The following FAM186B variants were observed in gnomAD, a reference collection of about 807,000 sequenced individuals.
FAM186B encodes the protein protein FAM186B.
FAM186B carries 68 observed loss-of-function variants against 83.4 expected under a neutral mutation model. That is an observed-to-expected ratio of 0.81 (90% confidence interval 0.67 to 1.00). The LOEUF (loss-of-function observed/expected upper bound fraction) is 1.00, where lower values mean the gene tolerates loss of function less well. Ranked by LOEUF, FAM186B falls within the 50% of genes least tolerant of loss-of-function variation. The probability of loss-of-function intolerance (pLI) is 0.00; values close to 1 mark genes in which losing one functional copy is unlikely to be tolerated. For missense variants in FAM186B, 983 were observed against 1,099.2 expected, an observed-to-expected ratio of 0.89 and a Z score of 1.49; for synonymous variants, 389 against 422.0, an observed-to-expected ratio of 0.92 and a Z score of 0.96.
At chr12:49,606,452 G>A (rs555578080), upstream of FAM186B, among the ~76,000 whole-genome samples, 10 of 150,118 alleles carry the variant, frequency 6.7e-5, no homozygotes, top group East Asian at 5.9e-4. Flanking sequence ...CCATGTTCAC[G>A]CCACTACACC....
At chr12:49,605,167 G>A in intron 1 of FAM186B, 1 of 1,382,890 alleles carries the variant, frequency 7.2e-7, no homozygotes, top group Non-Finnish European at 9.4e-7. Context: ...CCGGGCCCCA[G>A]CCCTGCCTCA....
the FAM186B span, among the ~76,000 whole-genome samples, chr12:49,615,958 A>AT: frequency 1.3e-5 from 2 of 151,002 alleles, no homozygotes; most frequent in Non-Finnish European, 2.9e-5. Flanking sequence ...GTTGAGGAAG[A>AT]TTTTGGGAAA....
At chr12:49,586,390 T>C (rs368128543), downstream of FAM186B, among the ~76,000 whole-genome samples, 8 of 152,170 alleles carry the variant, frequency 5.3e-5, no homozygotes, top group Non-Finnish European at 5.9e-5. Flanking sequence ...CCCTCTATAT[T>C]TTCAGAAAGT....
At chr12:49,603,444 G>A (rs1939943707) in intron 2 of FAM186B, 77 bp from the exon 3 acceptor site, 2 of 1,442,228 alleles carry the variant, frequency 1.4e-6, no homozygotes, top group Non-Finnish European at 1.9e-6. Context: ...TAGCACAGGG[G>A]TTCCAGCAGC....
chr12:49,604,794 G>C (rs1450219859), intron 1 of FAM186B: 1 of 372,078 alleles, frequency 2.7e-6, no homozygotes, highest in African/African-American at 2.1e-5. Flanking sequence ...TGATTATTAA[G>C]AAGGTCAAGA....
In FAM186B at chr12:49,599,791, T is replaced by G. The variant is rs1592552769; in HGVS notation, c.1849A>C (p.Thr617Pro). ...ACTCGGCGGGTCCGTGGTCTGTAGG[T>G]AAACTCCACTGAACTCATAGGTCTC... ...KQRPMSSVEF[T>P]YRPRTRRVPT... The change falls in exon 4 of 7, where the codon ACC becomes CCC. Residue 617 changes from threonine (T) to proline (P), a missense_variant. By Grantham distance (38) the Thr-to-Pro change is conservative. Transcript: ENST00000257894. 3.1e-6 allele frequency: 5 copies of G among 1,613,850 alleles called. No individual in the cohort carries two copies. In the South Asian group the frequency reaches 5.5e-5, roughly 18 times the overall value.
chr12:49,588,685 G>A, intron 5 of FAM186B, 62 bp from the exon 6 acceptor site: 1 of 1,502,938 alleles, frequency 6.7e-7, no homozygotes, highest in Non-Finnish European at 9.0e-7. Flanking sequence ...TAGGTCGTGA[G>A]GAGGCTTTGT....
upstream of FAM186B, among the ~76,000 whole-genome samples, chr12:49,610,142 G>GA (rs559931121): frequency 0.014 from 1,600 of 114,558 alleles, 12 homozygotes; most frequent in African/African-American, 0.032. Flanking sequence ...AGGGAAGGTG[G>GA]AAAAAAAAAA....
In FAM186B at chr12:49,600,141, C is replaced by T; in HGVS notation, c.1499G>A (p.Trp500Ter). Residue 500 changes from tryptophan (W) to a stop codon, truncating the protein, a stop_gained, in exon 4 of 7, where the codon TGG becomes TAG. Coordinates refer to ENST00000257894, the MANE Select transcript of FAM186B (RefSeq NM_032130.3). LOFTEE classifies it high-confidence loss of function. The surrounding 1 kb of genome is among the most constrained non-coding windows in gnomAD (Gnocchi z 4.3). ...GGCCCACTTCTTCTGCCGCTGCTGC[C>T]ACATCTCCTCCTCCTCCAGCCACAG... is the stretch of plus-strand genomic sequence containing the variant. ...RQLWLEEEEM[W>*]QQRQKKWALL... 6.2e-7 allele frequency: 1 copy of T among 1,613,826 alleles called. No individual in the cohort carries two copies. The highest frequency in any genetic ancestry group is 8.5e-7 in the Non-Finnish European group (1 of 1,179,850).
At chr12:49,597,188 C>T (rs1185850183) in intron 5 of FAM186B, among the ~76,000 whole-genome samples, 1 of 152,138 alleles carries the variant, frequency 6.6e-6, no homozygotes, top group Non-Finnish European at 1.5e-5. Flanking sequence ...GTAATGTTCA[C>T]ACAACAAAAA....
At chr12:49,602,030 C>T (rs545918899) in intron 3 of FAM186B, among the ~76,000 whole-genome samples, 1 of 152,324 alleles carries the variant, frequency 6.6e-6, no homozygotes. Context: ...GTTTGAATCC[C>T]ATCTTTCTGA....
Position 49,605,630 on chromosome 12 carries a change from G to C in FAM186B, c.-153C>G, listed in dbSNP as rs1940002255. On this transcript the variant is annotated 5_prime_UTR_variant, in exon 1 of 7. Coordinates refer to ENST00000257894, the MANE Select transcript of FAM186B (RefSeq NM_032130.3). ...CTCCTCTGGTAACTGCCAAACACCA[G>C]GTTCCAACTGATCCTCTTTTCCCCA... 6 of 673,526 alleles carry C rather than the reference G, an allele frequency of 8.9e-6. No individual in the cohort carries two copies. Among genetic ancestry groups the C allele is most frequent in the African/African-American group, 1.8e-5 (1 of 54,448 alleles). The allele number at this position is 673,526 out of a possible 1,614,324, so 41.7% of individuals were successfully genotyped here. A position where few individuals can be genotyped will look rare whatever the true frequency, so the allele number is the denominator to read the frequency against.
chr12:49,597,543 A>G (rs1398656786), intron 5 of FAM186B, among the ~76,000 whole-genome samples: 1 of 152,178 alleles, frequency 6.6e-6, no homozygotes, highest in Admixed American at 6.5e-5. Context: ...TGAAAGCTCT[A>G]TGTGTTGGAT....
intron 3 of FAM186B, 91 bp from the exon 4 acceptor site, chr12:49,601,225 A>G (rs899731865): frequency 1.4e-4 from 200 of 1,471,862 alleles, no homozygotes; most frequent in Non-Finnish European, 1.7e-4. Flanking sequence ...CAAAATGGCA[A>G]CCCCCTTAGG....
At chr12:49,598,695 C>T (rs532451089) in intron 5 of FAM186B, 60 bp downstream of exon 5, 48 of 1,493,870 alleles carry the variant, frequency 3.2e-5, no homozygotes, top group Admixed American at 1.9e-4. Flanking sequence ...GGCCCCAAGC[C>T]GACTGGCTGT....
chr12:49,605,563 G>C lies in FAM186B; in HGVS notation c.-86C>G, dbSNP rs1347849215. On this transcript the variant is annotated 5_prime_UTR_variant, in exon 1 of 7. Transcript: ENST00000257894. ...CAATGTTGCCTGCTTTGGAGGTTAA[G>C]GGCACCAGGGTGTCTCCTGGGTACC... The C allele has an allele frequency of 1.7e-5, 24 of 1,446,758 alleles. No individual in the cohort carries two copies. Among genetic ancestry groups the C allele is most frequent in the Non-Finnish European group, 2.1e-5 (22 of 1,068,862 alleles). The allele number at this position is 1,446,758 out of a possible 1,614,324, so 89.6% of individuals were successfully genotyped here.
the FAM186B span, among the ~76,000 whole-genome samples, chr12:49,615,526 T>TA: frequency 2.0e-5 from 3 of 152,144 alleles, no homozygotes; most frequent in Admixed American, 6.5e-5. Flanking sequence ...TGCAATGGCT[T>TA]ACGCCTGTAA....
At chr12:49,617,084 C>G in the FAM186B span, among the ~76,000 whole-genome samples, 1 of 152,148 alleles carries the variant, frequency 6.6e-6, no homozygotes, top group Non-Finnish European at 1.5e-5. Context: ...CCCTCTCACA[C>G]GAGCAGCTTG....
At chr12:49,590,282 G>T (rs1302384154) in intron 5 of FAM186B, among the ~76,000 whole-genome samples, 1 of 152,072 alleles carries the variant, frequency 6.6e-6, no homozygotes, top group Non-Finnish European at 1.5e-5. Flanking sequence ...GACTGTTTTG[G>T]AGTTTAAAGA....
Sources: gnomAD v4.1 joint callset for allele counts (sites outside exome capture counted in the v4.1 genomes callset) on GRCh38, gnomAD v4.1.1 for gene constraint, Gnocchi (gnomAD v3.1) non-coding constraint, MANE v1.5 for transcripts, NCBI Gene and HGNC (gene_info 2026-07-23, HGNC 2026-07-21) for gene names.